Variants in SEC31B observed in about 807,000 individuals in gnomAD.
SEC31B encodes SEC31 homolog B, COPII component, also known as protein transport protein Sec31B.
A neutral mutation model predicts 135.0 loss-of-function variants in SEC31B; 113 were observed. The ratio of observed to expected loss-of-function variants is 0.84; its 90% CI spans 0.72 to 0.98. The LOEUF (loss-of-function observed/expected upper bound fraction) is 0.98. SEC31B is among the 50% of genes least tolerant of loss of function. The probability of loss-of-function intolerance (pLI) is 0.00; values close to 1 mark genes in which losing one functional copy is unlikely to be tolerated. For missense variants in SEC31B, 1,296 were observed against 1,421.1 expected (o/e 0.91, Z 1.42); for synonymous variants, 508 against 549.4 (o/e 0.92, Z 1.05).
At chr10:100,491,459 T>A (rs533656170) in intron 19 of SEC31B, among the ~76,000 whole-genome samples, 2 of 152,232 alleles carry the variant, frequency 1.3e-5, no homozygotes, top group Non-Finnish European at 2.9e-5. Flanking sequence ...AAACTACACA[T>A]CAATATTTCT....
rs368103751 is a variant in SEC31B at position 100,507,944 on chromosome 10, A to T, written c.603T>A (p.Asn201Lys). 3.1e-6 allele frequency: 5 copies of T among 1,614,206 alleles called. No individual in the cohort carries two copies. The highest frequency in any genetic ancestry group is 4.2e-6 in the Non-Finnish European group (5 of 1,180,032). Reference sequence around the variant, plus strand: ...GATCACTGACTTTGATGATAGGTTCATTCTTCCTGAGATCCCACACAACTG... The same window carrying T: ...GATCACTGACTTTGATGATAGGTTCTTTCTTCCTGAGATCCCACACAACTG... ...GKAVVWDLRKNEPIIKVSDHS... is the reference protein window; with the variant it reads ...GKAVVWDLRKKEPIIKVSDHS... Residue 201 changes from asparagine to lysine, a missense_variant, in exon 6 of 26, where the codon AAT becomes AAA. By Grantham distance (94) the Asn-to-Lys change is moderately conservative. Transcript: ENST00000370345.
chr10:100,495,685 T>C, intron 18 of SEC31B, 139 bp from the exon 19 acceptor site: 1 of 986,412 alleles, frequency 1.0e-6, no homozygotes. Context: ...TTCTGTTCTG[T>C]TTTGTTTTGT....
chr10:100,512,358 T>C (rs1425237558), intron 3 of SEC31B, among the ~76,000 whole-genome samples: 3 of 152,178 alleles, frequency 2.0e-5, no homozygotes, highest in Non-Finnish European at 4.4e-5. Flanking sequence ...GTCGATGATA[T>C]AAACAGTGTG....
chr10:100,498,728 GGA>G lies in SEC31B; in HGVS notation c.1659_1660del (p.Pro554LeufsTer10), dbSNP rs770312689. 6.2e-7 allele frequency: 1 copy of G among 1,613,568 alleles called. No homozygotes were observed. Among genetic ancestry groups the G allele is most frequent in the South Asian group, 1.1e-5 (1 of 91,062 alleles). ...ACCTTTTGTGATGGGGATCTCCCAA[GGA>G]GTCATGTTCTGAGGGACCAGCTCAT... On this transcript the variant is annotated frameshift_variant, in exon 14 of 26. Coordinates refer to ENST00000370345, the MANE Select transcript of SEC31B (RefSeq NM_015490.4). LOFTEE classifies it high-confidence loss of function.
intron 1 of SEC31B, among the ~76,000 whole-genome samples, chr10:100,519,416 G>A (rs986774505): frequency 6.6e-6 from 1 of 152,258 alleles, no homozygotes; most frequent in African/African-American, 2.4e-5. Flanking sequence ...CGCTGTCGCC[G>A]AAGCGCGGCG....
chr10:100,516,065 C>T, intron 3 of SEC31B, 31 bp downstream of exon 3: 1 of 1,612,912 alleles, frequency 6.2e-7, no homozygotes, highest in Non-Finnish European at 8.5e-7. Context: ...CAGTATCTAC[C>T]CTGTATACCC....
At chr10:100,490,480 C>T (rs1851281758) in intron 20 of SEC31B, 158 bp from the exon 21 acceptor site, 1 of 931,462 alleles carries the variant, frequency 1.1e-6, no homozygotes, top group Admixed American at 3.2e-5. Context: ...AACTATATTC[C>T]TTATTTGACC....
chr10:100,500,292 G>C (rs1851495843), intron 11 of SEC31B: 1 of 411,188 alleles, frequency 2.4e-6, no homozygotes, highest in Non-Finnish European at 4.8e-6. Context: ...GTAGCCTACA[G>C]TAGTCTTGTG....
intron 1 of SEC31B, among the ~76,000 whole-genome samples, chr10:100,518,686 T>G (rs546546265): frequency 1.3e-5 from 2 of 152,364 alleles, no homozygotes; most frequent in South Asian, 2.1e-4. Context: ...TTTTTAAAAA[T>G]TACACTGAAC....
At chr10:100,508,482 A>G (rs1212043566) in intron 5 of SEC31B, 1 of 465,514 alleles carries the variant, frequency 2.1e-6, no homozygotes, top group South Asian at 1.5e-5. Context: ...GTAAGCACAG[A>G]AGAAAGAGAA....
At chr10:100,518,551 A>G (rs1201369519) in intron 1 of SEC31B, among the ~76,000 whole-genome samples, 1 of 152,220 alleles carries the variant, frequency 6.6e-6, no homozygotes, top group African/African-American at 2.4e-5. Context: ...CTAGTTTCCA[A>G]ACGAATGTCT....
intron 3 of SEC31B, among the ~76,000 whole-genome samples, chr10:100,515,870 A>C (rs780543056): frequency 2.0e-4 from 30 of 151,766 alleles, no homozygotes; most frequent in Non-Finnish European, 1.0e-4. Context: ...AGGCATCTCT[A>C]TCACATGCAT....
At position 100,490,693 on chromosome 10, in the gene SEC31B, G is replaced by GT; in HGVS notation, c.2650+12dup. On this transcript the variant is annotated intron_variant, in intron 20 of 25. Transcript: ENST00000370345. ...TGTGCTCTGCCCAGATAGATCTTCAGTGACTCACTCACCAGGCCTTACCCC... is the reference window on the plus strand; with the variant it reads ...TGTGCTCTGCCCAGATAGATCTTCAGTTGACTCACTCACCAGGCCTTACCCC... 6.4e-7 allele frequency: 1 copy of GT among 1,555,754 alleles called. No homozygotes were observed. The highest frequency in any genetic ancestry group is 8.7e-7 in the Non-Finnish European group (1 of 1,149,158).
At chr10:100,505,616 C>G (rs1334850830) in intron 9 of SEC31B, 121 bp from the exon 10 acceptor site, 1 of 1,456,914 alleles carries the variant, frequency 6.9e-7, no homozygotes, top group African/African-American at 1.4e-5. Context: ...AAAGGTCAGA[C>G]TCCCATATTC....
chr10:100,491,162 T>C (rs1773200025), intron 19 of SEC31B, among the ~76,000 whole-genome samples: 1 of 152,150 alleles, frequency 6.6e-6, no homozygotes, highest in Admixed American at 6.5e-5. Context: ...TGACAACTTA[T>C]CAGAAATGGA....
chr10:100,501,482 CCTCTTT>C (rs1589735531), intron 11 of SEC31B, among the ~76,000 whole-genome samples: 1 of 152,192 alleles, frequency 6.6e-6, no homozygotes, highest in South Asian at 2.1e-4. Context: ...TTTCTCAAAT[CCTCTTT>C]CTCTAACTTC....
rs1463499344 is a variant in SEC31B at position 100,488,876 on chromosome 10, G to A, written c.3270C>T (p.Ser1090=). 4 of 1,600,454 alleles carry A rather than the reference G, an allele frequency of 2.5e-6. No homozygotes were observed. Among genetic ancestry groups the A allele is most frequent in the Non-Finnish European group, 1.7e-6 (2 of 1,174,248 alleles). Residue 1090 remains serine, a synonymous_variant, in exon 24 of 26, where the codon TCC becomes TCT. Transcript: ENST00000370345. ...SSFEALLQRC[S]LSATDLKTKR... The stretch of plus-strand genomic sequence containing the variant: ...GACTTACTAAGTCAGTTGCAGACAG[G>A]GAGCAGCGTTGGAGAAGCGCCTCAA...
intron 3 of SEC31B, among the ~76,000 whole-genome samples, chr10:100,514,009 A>AC (rs942813315): frequency 3.0e-4 from 45 of 151,286 alleles, no homozygotes; most frequent in African/African-American, 9.0e-4. Context: ...ACATGGTGAA[A>AC]CCCCATCTTG....
At chr10:100,507,702 G>A in intron 6 of SEC31B, 135 bp from the exon 7 acceptor site, 1 of 1,326,956 alleles carries the variant, frequency 7.5e-7, no homozygotes, top group Non-Finnish European at 1.1e-6. Context: ...TGATGGCCAG[G>A]AATAAGTAAG....
Sources: gnomAD v4.1 joint callset for allele counts (sites outside exome capture counted in the v4.1 genomes callset) on GRCh38, gnomAD v4.1.1 for gene constraint, MANE v1.5 for transcripts, NCBI Gene and HGNC (gene_info 2026-07-23, HGNC 2026-07-21) for gene names.